The following ABCC4 variants were observed in gnomAD, a reference collection of about 807,000 sequenced individuals.
ABCC4 encodes the protein ATP binding cassette subfamily C member 4 (PEL blood group).
A neutral mutation model predicts 168.5 loss-of-function variants in ABCC4; 102 were observed. The ratio of observed to expected loss-of-function variants is 0.61; its 90% CI spans 0.52 to 0.71. The LOEUF (loss-of-function observed/expected upper bound fraction) is 0.71. Among genes scored for constraint, ABCC4 ranks in the 30% least tolerant of loss-of-function variants. The pLI is 0.00. For missense variants in ABCC4, 1,402 were observed against 1,605.8 expected (o/e 0.87, Z 2.17); for synonymous variants, 617 against 590.7 (o/e 1.04, Z -0.65).
At chr13:95,119,796 T>G (rs572514236) in intron 19 of ABCC4, among the ~76,000 whole-genome samples, 1 of 152,330 alleles carries the variant, frequency 6.6e-6, no homozygotes, top group African/African-American at 2.4e-5. Flanking sequence ...TGATACATAT[T>G]TTACGTCTCA....
At chr13:95,027,198 G>A (rs2031592359) in intron 30 of ABCC4, among the ~76,000 whole-genome samples, 1 of 152,102 alleles carries the variant, frequency 6.6e-6, no homozygotes, top group African/African-American at 2.4e-5. Flanking sequence ...CAATAAGTCA[G>A]GGATTCTAAA....
intron 11 of ABCC4, among the ~76,000 whole-genome samples, chr13:95,185,868 C>A (rs182291146): frequency 6.6e-6 from 1 of 152,064 alleles, no homozygotes; most frequent in Non-Finnish European, 1.5e-5. Context: ...AAATGATACA[C>A]AATGAAAAAT....
At chr13:95,061,669 TAA>T (rs11339914) in intron 26 of ABCC4, among the ~76,000 whole-genome samples, 46 of 126,674 alleles carry the variant, frequency 3.6e-4, no homozygotes, top group Admixed American at 8.8e-4. Context: ...TATAGAGTGT[TAA>T]AAAAAAAAAA....
At chr13:95,072,538 G>A (rs955990716) in intron 24 of ABCC4, among the ~76,000 whole-genome samples, 2 of 152,198 alleles carry the variant, frequency 1.3e-5, no homozygotes, top group Admixed American at 6.5e-5. Flanking sequence ...CTGGATGATC[G>A]TGAAACCTCA....
At chr13:95,192,070 A>G (rs2139636240) in intron 9 of ABCC4, among the ~76,000 whole-genome samples, 1 of 152,374 alleles carries the variant, frequency 6.6e-6, no homozygotes, top group Non-Finnish European at 1.5e-5. Context: ...AGAAAGCAGA[A>G]GCAAATCCCT....
intron 21 of ABCC4, among the ~76,000 whole-genome samples, chr13:95,080,448 AGTGCAATG>A (rs1265749160): frequency 6.6e-6 from 1 of 152,048 alleles, no homozygotes; most frequent in East Asian, 1.9e-4. Context: ...CCCAGGCTGG[AGTGCAATG>A]GTGCAATCTC....
intron 20 of ABCC4, among the ~76,000 whole-genome samples, chr13:95,087,890 C>T (rs894964981): frequency 6.6e-6 from 1 of 152,204 alleles, no homozygotes; most frequent in African/African-American, 2.4e-5. Flanking sequence ...CCAGTGAATG[C>T]CTTTAAATCA....
At chr13:95,263,575 C>A (rs1337038681) in intron 1 of ABCC4, among the ~76,000 whole-genome samples, 1 of 152,162 alleles carries the variant, frequency 6.6e-6, no homozygotes, top group Non-Finnish European at 1.5e-5. Flanking sequence ...GTAATCCCAA[C>A]ACTTTGGGAG....
intron 1 of ABCC4, among the ~76,000 whole-genome samples, chr13:95,259,148 A>C: frequency 6.6e-6 from 1 of 152,072 alleles, no homozygotes. Context: ...GCACTTTAGG[A>C]GGCTGAGGCA....
chr13:95,069,206 C>A (rs562673595), intron 25 of ABCC4, among the ~76,000 whole-genome samples: 1 of 152,094 alleles, frequency 6.6e-6, no homozygotes, highest in Non-Finnish European at 1.5e-5. Flanking sequence ...CGGGAGCTGT[C>A]GTGTGTGTTT....
intron 19 of ABCC4, among the ~76,000 whole-genome samples, chr13:95,156,884 A>G (rs956794853): frequency 6.6e-6 from 1 of 152,062 alleles, no homozygotes; most frequent in African/African-American, 2.4e-5. Context: ...CCTGAGGTCA[A>G]GAGTTCGAGA....
At position 95,196,733 on chromosome 13, in the gene ABCC4, A is replaced by G. The variant is rs12867398; in HGVS notation, c.1162-1796T>C. On this transcript the variant is annotated intron_variant, in intron 8 of 30. Coordinates refer to ENST00000645237, the MANE Select transcript of ABCC4 (RefSeq NM_005845.5). ...GGAAGGAAGGAAGGAAGGAAGGAAG[A>G]AGGGAGGGAGGGAAGGAAGGAAAGA... Among the ~76,000 whole-genome samples, 331 of 79,040 alleles carry G rather than the reference A, an allele frequency of 4.2e-3. 28 individuals carry two copies. The highest frequency in any genetic ancestry group is 0.017 in the South Asian group (35 of 2,116). 51.9% of individuals were successfully genotyped at this position (79,040 alleles called of 152,430 possible).
chr13:95,179,590 G>T (rs1449595715), intron 11 of ABCC4, among the ~76,000 whole-genome samples: 1 of 152,152 alleles, frequency 6.6e-6, no homozygotes, highest in Admixed American at 6.5e-5. Flanking sequence ...TAAGTTACAG[G>T]ACATTACATT....
chr13:95,186,464 A>G (rs2038062410), intron 11 of ABCC4, among the ~76,000 whole-genome samples: 2 of 152,214 alleles, frequency 1.3e-5, no homozygotes, highest in South Asian at 4.1e-4. Flanking sequence ...TTAAAAGTAA[A>G]TAAAACTTCA....
At chr13:95,075,173 A>G in intron 22 of ABCC4, 1 of 437,376 alleles carries the variant, frequency 2.3e-6, no homozygotes, top group East Asian at 3.9e-5. Flanking sequence ...GTTTGCTGAC[A>G]GAGCCACAGG....
intron 1 of ABCC4, among the ~76,000 whole-genome samples, chr13:95,291,311 C>T (rs1468881830): frequency 6.6e-5 from 10 of 151,674 alleles, no homozygotes; most frequent in South Asian, 6.3e-4. Context: ...GCTATGAATG[C>T]ACCACTGCAC....
intron 21 of ABCC4, among the ~76,000 whole-genome samples, chr13:95,078,028 T>C (rs79111365): frequency 0.065 from 9,879 of 152,188 alleles, 434 homozygotes; most frequent in Middle Eastern, 0.13. Context: ...TGTCCACCCA[T>C]CCTTGGGGCT....
intron 19 of ABCC4, among the ~76,000 whole-genome samples, chr13:95,144,859 T>C (rs1206786691): frequency 1.3e-5 from 2 of 152,154 alleles, no homozygotes; most frequent in African/African-American, 2.4e-5. Flanking sequence ...AAGCCATTTT[T>C]CACAGAACTA....
Position 95,029,459 on chromosome 13 carries a change from G to C in ABCC4, c.3870+5146C>G, listed in dbSNP as rs1409176694. On this transcript the variant is annotated intron_variant, in intron 30 of 30. Transcript: ENST00000645237. ...CAGAATACATCAACAAAGTGGAGAA[G>C]AAGGTGCCAGGGCTGAAACCTGGCA... 1.3e-5 allele frequency among the ~76,000 whole-genome samples: 2 copies of C among 152,094 alleles called. 1 individual carries two copies. The highest frequency in any genetic ancestry group is 1.3e-4 in the Admixed American group (2 of 15,264).
Sources: allele counts gnomAD v4.1 joint callset (sites outside exome capture counted in the v4.1 genomes callset), GRCh38; gene constraint gnomAD v4.1.1; transcripts MANE v1.5; gene names NCBI Gene and HGNC (gene_info 2026-07-23, HGNC 2026-07-21).